Variants in FMN2 observed in about 807,000 individuals in gnomAD.
FMN2 encodes the protein formin-2.
In FMN2, 51 loss-of-function variants were observed where a neutral mutation model predicts 142.3. The ratio of observed to expected loss-of-function variants is 0.36; its 90% CI spans 0.29 to 0.45. FMN2 has a LOEUF of 0.45. Ranked by LOEUF, FMN2 falls within the 20% of genes least tolerant of loss-of-function variation. The pLI, the probability that FMN2 is intolerant of heterozygous loss-of-function variation, is 1.00. For synonymous variants in FMN2, 882 were observed against 869.8 expected (o/e 1.01, Z -0.25); for missense variants, 1,936 against 2,122.8 (o/e 0.91, Z 1.73).
intron 7 of FMN2, among the ~76,000 whole-genome samples, chr1:240,274,444 CA>C (rs1669124953): frequency 6.6e-6 from 1 of 152,004 alleles, no homozygotes; most frequent in Non-Finnish European, 1.5e-5. Flanking sequence ...AGAGAGCACT[CA>C]GCGGGGAGAG....
chr1:240,166,960 A>C (rs9661289), intron 2 of FMN2, among the ~76,000 whole-genome samples: 7,491 of 152,178 alleles, frequency 0.049, 251 homozygotes, highest in Middle Eastern at 0.075. Flanking sequence ...AATCTCTACC[A>C]AAAATACAAA....
intron 6 of FMN2, among the ~76,000 whole-genome samples, chr1:240,241,152 T>A (rs1419788187): frequency 2.0e-5 from 3 of 152,054 alleles, no homozygotes; most frequent in Non-Finnish European, 4.4e-5. Context: ...AAAACTTTAA[T>A]AAAATATATA....
intron 6 of FMN2, among the ~76,000 whole-genome samples, chr1:240,228,303 CAAAAAAAAAAAAAAA>C (rs577421634): frequency 6.3e-5 from 3 of 47,748 alleles, no homozygotes; most frequent in South Asian, 1.1e-3. Flanking sequence ...AACTCTGTCT[CAAAAAAAAAAAAAAA>C]AAAAAAAAAA....
chr1:240,156,987 A>G (rs928541379), intron 2 of FMN2, among the ~76,000 whole-genome samples: 2 of 152,238 alleles, frequency 1.3e-5, no homozygotes, highest in Admixed American at 6.5e-5. Context: ...GAATTATTCA[A>G]TTTAAATGGA....
At chr1:240,148,471 AG>A (rs1398576116) in intron 2 of FMN2, among the ~76,000 whole-genome samples, 44 of 146,034 alleles carry the variant, frequency 3.0e-4, no homozygotes, top group African/African-American at 1.1e-3. Context: ...AGAGACAGGG[AG>A]AGAAAGAAAA....
intron 4 of FMN2, among the ~76,000 whole-genome samples, chr1:240,206,377 C>A (rs1173099340): frequency 6.6e-6 from 1 of 152,166 alleles, no homozygotes; most frequent in African/African-American, 2.4e-5. Flanking sequence ...ATTGAACACT[C>A]ATTCAGTGAT....
chr1:240,334,297 A>G (rs192291789), intron 13 of FMN2, 68 bp downstream of exon 13: 4 of 1,452,742 alleles, frequency 2.8e-6, no homozygotes, highest in Admixed American at 2.6e-5. Flanking sequence ...AGACTTTTCA[A>G]TGTTTTTAGA....
chr1:240,140,882 C>G (rs1321475811), intron 2 of FMN2, among the ~76,000 whole-genome samples: 1 of 152,010 alleles, frequency 6.6e-6, no homozygotes, highest in Non-Finnish European at 1.5e-5. Context: ...TTAATATAGC[C>G]CAGTTCTCTT....
At chr1:240,187,269 CAAAAAAAA>C (rs10610560) in intron 3 of FMN2, among the ~76,000 whole-genome samples, 5 of 83,794 alleles carry the variant, frequency 6.0e-5, no homozygotes, top group African/African-American at 1.4e-4. Flanking sequence ...AACTCCATCT[CAAAAAAAA>C]AAAAAAAAAA....
At chr1:240,196,171 T>C (rs1665903098) in intron 4 of FMN2, among the ~76,000 whole-genome samples, 1 of 152,316 alleles carries the variant, frequency 6.6e-6, no homozygotes, top group South Asian at 2.1e-4. Context: ...CCATGAGTTT[T>C]TGAGGAATGA....
chr1:240,397,749 T>C (rs1807781), intron 15 of FMN2, among the ~76,000 whole-genome samples: 47,725 of 139,772 alleles, frequency 0.34, 8,236 homozygotes, highest in East Asian at 0.6. Context: ...AAGATCGCAC[T>C]GCTGCACTCC....
intron 2 of FMN2, among the ~76,000 whole-genome samples, chr1:240,130,339 G>C (rs1353128429): frequency 6.6e-6 from 1 of 152,096 alleles, no homozygotes; most frequent in Non-Finnish European, 1.5e-5. Context: ...GTCTCACTCA[G>C]TCACCCAGGC....
chr1:240,277,494 C>T (rs1016563510), intron 7 of FMN2, among the ~76,000 whole-genome samples: 1 of 141,170 alleles, frequency 7.1e-6, no homozygotes, highest in East Asian at 2.0e-4. Context: ...AAGATTATGC[C>T]TTACCCAACT....
At chr1:240,204,210 A>G (rs1666239450) in intron 4 of FMN2, among the ~76,000 whole-genome samples, 1 of 152,184 alleles carries the variant, frequency 6.6e-6, no homozygotes, top group South Asian at 2.1e-4. Flanking sequence ...GGTTGTCTTC[A>G]GCTGTCAGCA....
rs777915608 is a variant in FMN2, at chr1:240,093,678, G to T, written c.1569G>T (p.Ala523=). Residue 523 remains alanine, a synonymous_variant, in exon 1 of 18, where the codon GCG becomes GCT. Coordinates refer to ENST00000319653, the MANE Select transcript of FMN2 (RefSeq NM_020066.5). ...GGVSPALAAK[A]SGAPAAADGF... is the part of the protein sequence containing the mutation. Reference sequence around the variant, plus strand: ...TGTCCCCAGCACTGGCCGCCAAGGCGTCTGGGGCCCCCGCGGCTGCGGATG... The same window carrying T: ...TGTCCCCAGCACTGGCCGCCAAGGCTTCTGGGGCCCCCGCGGCTGCGGATG... The T allele has an allele frequency of 1.5e-6, 2 of 1,358,056 alleles. No individual in the cohort carries two copies. The highest frequency in any genetic ancestry group is 1.9e-6 in the Non-Finnish European group (2 of 1,061,312). 84.1% of individuals were successfully genotyped at this position (1,358,056 alleles called of 1,614,324 possible). A position where few individuals can be genotyped will look rare whatever the true frequency, so the allele number is the denominator to read the frequency against.
At position 240,309,195 on chromosome 1, in the gene FMN2, G is replaced by A. The variant is rs940811655; in HGVS notation, c.4215+14312G>A. Among the ~76,000 whole-genome samples, 3 of 152,298 alleles carry A rather than the reference G, an allele frequency of 2.0e-5. No individual in the cohort carries two copies. In the East Asian group the frequency reaches 5.8e-4, roughly 29 times the overall value. ...CCTAGGGATGAGTAAGCATACCCAA[G>A]TTCGGATAAGCTTGGAAGGGGGTCC... On this transcript the variant is annotated intron_variant, in intron 8 of 17. Transcript: ENST00000319653.
intron 7 of FMN2, among the ~76,000 whole-genome samples, chr1:240,286,206 A>T (rs1669584590): frequency 6.6e-6 from 1 of 152,038 alleles, no homozygotes; most frequent in Non-Finnish European, 1.5e-5. Flanking sequence ...TTGGGGGAGG[A>T]GGGCTGAATG....
intron 7 of FMN2, among the ~76,000 whole-genome samples, chr1:240,281,463 G>C (rs1210030028): frequency 6.6e-6 from 1 of 152,100 alleles, no homozygotes. Flanking sequence ...GTGTCTGTCT[G>C]GTTTATGCTG....
intron 8 of FMN2, among the ~76,000 whole-genome samples, chr1:240,304,051 A>G (rs533937408): frequency 5.3e-5 from 8 of 151,724 alleles, no homozygotes; most frequent in Admixed American, 5.2e-4. Context: ...CTATCTCTTT[A>G]TTAATATTGC....
Sources: allele counts gnomAD v4.1 joint callset (sites outside exome capture counted in the v4.1 genomes callset), GRCh38; gene constraint gnomAD v4.1.1; transcripts MANE v1.5; gene names NCBI Gene and HGNC (gene_info 2026-07-23, HGNC 2026-07-21).